IMMP2L: variants seen among roughly 807,000 people sequenced by gnomAD.
The protein encoded by IMMP2L is inner mitochondrial membrane peptidase subunit 2.
Under a neutral mutation model 19.3 loss-of-function variants are expected in IMMP2L, and 18 were observed. That is an observed-to-expected ratio of 0.93 (90% CI 0.64 to 1.38). The LOEUF (loss-of-function observed/expected upper bound fraction) is 1.38, where lower values mean the gene tolerates loss of function less well. Among genes scored for constraint, IMMP2L ranks in the 40% most tolerant of loss-of-function variants. The pLI is 0.00. For synonymous variants in IMMP2L, 76 were observed against 73.0 expected (o/e 1.04, Z -0.21); for missense variants, 233 against 218.2 (o/e 1.07, Z -0.43).
intron 5 of IMMP2L, among the ~76,000 whole-genome samples, chr7:110,828,627 G>A (rs1803704744): frequency 6.6e-6 from 1 of 152,086 alleles, no homozygotes; most frequent in East Asian, 1.9e-4. Context: ...GATACTAAAA[G>A]AAATGTATAT....
intron 3 of IMMP2L, among the ~76,000 whole-genome samples, chr7:110,971,194 GT>G (rs1820109419): frequency 6.6e-6 from 1 of 152,112 alleles, no homozygotes; most frequent in African/African-American, 2.4e-5. Flanking sequence ...CAGTCAGCTT[GT>G]GCCCAACACA....
At chr7:111,139,649 T>C (rs1802682544) in intron 3 of IMMP2L, among the ~76,000 whole-genome samples, 1 of 152,076 alleles carries the variant, frequency 6.6e-6, no homozygotes, top group Non-Finnish European at 1.5e-5. Flanking sequence ...ATCTAGAAAG[T>C]TGTTCTTTTT....
At chr7:110,998,976 T>A (rs1823337391) in intron 3 of IMMP2L, among the ~76,000 whole-genome samples, 1 of 152,170 alleles carries the variant, frequency 6.6e-6, no homozygotes. Context: ...GAAAACGTCT[T>A]CAGTCTGTCA....
chr7:110,945,891 T>C lies in IMMP2L; in HGVS notation c.305+17609A>G, dbSNP rs537183629. On this transcript the variant is annotated intron_variant, in intron 4 of 5. Transcript: ENST00000405709. The stretch of plus-strand genomic sequence containing the variant: ...CCAAACATTCCAACCAAAATCCTAA[T>C]GCTGGGAATTTAAGCTTAAGCACGG... Among the ~76,000 whole-genome samples the C allele has an allele frequency of 3.9e-5, 6 of 152,274 alleles. No homozygotes were observed. The East Asian group carries it at 5.8e-4, about 15-fold the overall frequency.
intron 3 of IMMP2L, among the ~76,000 whole-genome samples, chr7:111,167,393 T>G (rs576937065): frequency 6.6e-6 from 1 of 152,142 alleles, no homozygotes; most frequent in East Asian, 1.9e-4. Flanking sequence ...AGAAGCAGTC[T>G]GCTCTGCGAA....
chr7:110,694,955 G>A lies in IMMP2L; in HGVS notation c.409-31234C>T, dbSNP rs151071671. On this transcript the variant is annotated intron_variant, in intron 5 of 5. Coordinates refer to ENST00000405709, the MANE Select transcript of IMMP2L (RefSeq NM_032549.4). ...AAGCGTCGTGTTAAGTGAAAGAGCT[G>A]GACACAAAAGGTCATATATTGTATG... Among the ~76,000 whole-genome samples the A allele has an allele frequency of 5.2e-3, 782 of 151,524 alleles. 7 individuals are homozygous for A. The highest frequency in any genetic ancestry group is 0.018 in the African/African-American group (735 of 41,270).
At chr7:110,916,167 C>T (rs995797348) in intron 4 of IMMP2L, among the ~76,000 whole-genome samples, 10 of 152,118 alleles carry the variant, frequency 6.6e-5, no homozygotes, top group African/African-American at 2.4e-4. Flanking sequence ...ATGATTTAGT[C>T]ATGCGAAAGT....
chr7:111,277,596 A>ACTTTT (rs1224592897), intron 3 of IMMP2L, among the ~76,000 whole-genome samples: 8 of 151,636 alleles, frequency 5.3e-5, no homozygotes, highest in African/African-American at 1.9e-4. Context: ...TCTGAAAACA[A>ACTTTT]CAGATGTTGG....
chr7:110,715,419 C>T (rs1795173796), intron 5 of IMMP2L, among the ~76,000 whole-genome samples: 2 of 152,084 alleles, frequency 1.3e-5, no homozygotes, highest in Admixed American at 6.5e-5. Flanking sequence ...TATAAACTTT[C>T]CTCTTAACAC....
intron 3 of IMMP2L, among the ~76,000 whole-genome samples, chr7:111,299,772 C>T (rs185739766): frequency 1.3e-5 from 2 of 151,726 alleles, no homozygotes; most frequent in East Asian, 1.9e-4. Flanking sequence ...CTGCAGCTAC[C>T]ATGCAAAGAT....
chr7:110,976,080 C>A (rs1820659205), intron 3 of IMMP2L, among the ~76,000 whole-genome samples: 1 of 151,940 alleles, frequency 6.6e-6, no homozygotes, highest in Non-Finnish European at 1.5e-5. Context: ...AAGATTTTCT[C>A]ATATCTTTTG....
intron 5 of IMMP2L, among the ~76,000 whole-genome samples, chr7:110,795,182 C>G (rs1335741936): frequency 6.6e-6 from 1 of 152,078 alleles, no homozygotes; most frequent in African/African-American, 2.4e-5. Flanking sequence ...ATGAAATATG[C>G]TTTAAGATTA....
intron 5 of IMMP2L, among the ~76,000 whole-genome samples, chr7:110,776,308 T>C (rs1358484088): frequency 6.6e-6 from 1 of 152,018 alleles, no homozygotes; most frequent in Non-Finnish European, 1.5e-5. Flanking sequence ...TTAAAAACAA[T>C]CTTTGATAAA....
chr7:111,200,067 T>C (rs1809937437), intron 3 of IMMP2L, among the ~76,000 whole-genome samples: 1 of 152,112 alleles, frequency 6.6e-6, no homozygotes, highest in Non-Finnish European at 1.5e-5. Context: ...ATGAAGATAT[T>C]GAAGTTTTAA....
chr7:111,339,952 T>C (rs778132236), intron 3 of IMMP2L, among the ~76,000 whole-genome samples: 2 of 151,978 alleles, frequency 1.3e-5, no homozygotes, highest in Non-Finnish European at 2.9e-5. Flanking sequence ...CTAGTTGGGA[T>C]TCTCAGGCAA....
chr7:110,925,337 G>A (rs1002032185), intron 4 of IMMP2L, among the ~76,000 whole-genome samples: 1 of 152,000 alleles, frequency 6.6e-6, no homozygotes. Flanking sequence ...GTCGGAGGAG[G>A]CATCTTTAAA....
chr7:110,943,276 G>T (rs1481986986), intron 4 of IMMP2L, among the ~76,000 whole-genome samples: 1 of 151,928 alleles, frequency 6.6e-6, no homozygotes, highest in Non-Finnish European at 1.5e-5. Flanking sequence ...CCCTACTGTG[G>T]TCTGTTTGTG....
chr7:111,073,414 A>T (rs1795128779), intron 3 of IMMP2L, among the ~76,000 whole-genome samples: 1 of 152,238 alleles, frequency 6.6e-6, no homozygotes, highest in Non-Finnish European at 1.5e-5. Context: ...TACAAGTTTA[A>T]ATTTTTTCCA....
intron 2 of IMMP2L, among the ~76,000 whole-genome samples, chr7:111,489,097 G>A (rs914615182): frequency 7.2e-6 from 1 of 138,746 alleles, no homozygotes; most frequent in Non-Finnish European, 1.5e-5. Flanking sequence ...AGGCTGGAGT[G>A]CAGTGGCATC....
Sources: allele counts gnomAD v4.1 joint callset (sites outside exome capture counted in the v4.1 genomes callset), GRCh38; gene constraint gnomAD v4.1.1; transcripts MANE v1.5; gene names NCBI Gene and HGNC (gene_info 2026-07-23, HGNC 2026-07-21).